The following HAAO variants were observed in gnomAD, a reference collection of about 807,000 sequenced individuals.
HAAO encodes 3-hydroxyanthranilate oxygenase.
In HAAO, 49 loss-of-function variants were observed where a neutral mutation model predicts 46.2. The observed-to-expected ratio is 1.06, with a 90% CI of 0.84 to 1.34. HAAO has a LOEUF of 1.34. Ranked by LOEUF, HAAO falls within the 40% of genes most tolerant of loss-of-function variation. The pLI, the probability that HAAO is intolerant of heterozygous loss-of-function variation, is 0.00. For synonymous variants in HAAO, 157 were observed against 145.2 expected, an observed-to-expected ratio of 1.08 and a Z score of -0.58; for missense variants, 408 against 364.5, an observed-to-expected ratio of 1.12 and a Z score of -0.97.
chr2:42,771,854 C>G (rs1254491438), intron 4 of HAAO, among the ~76,000 whole-genome samples: 1 of 152,276 alleles, frequency 6.6e-6, no homozygotes, highest in Non-Finnish European at 1.5e-5. Flanking sequence ...CATCCACCCA[C>G]TTGGCAGCCT....
chr2:42,769,644 A>C, intron 7 of HAAO, 69 bp downstream of exon 7: 1 of 1,348,398 alleles, frequency 7.4e-7, no homozygotes, highest in Non-Finnish European at 1.0e-6. Context: ...AGGCAGTGAG[A>C]GAGAGACTGG....
chr2:42,772,972 G>C (rs1325469401), intron 4 of HAAO, among the ~76,000 whole-genome samples: 2 of 148,908 alleles, frequency 1.3e-5, no homozygotes, highest in African/African-American at 4.9e-5. Flanking sequence ...AAACACTGTT[G>C]AGCTTTTGGA....
intron 4 of HAAO, among the ~76,000 whole-genome samples, chr2:42,776,776 C>T (rs543304637): frequency 1.3e-5 from 2 of 151,276 alleles, no homozygotes; most frequent in African/African-American, 2.4e-5. Context: ...GGATTGCAGG[C>T]GCCTGCCACC....
At chr2:42,783,031 C>G in intron 4 of HAAO, 2 of 514,818 alleles carry the variant, frequency 3.9e-6, no homozygotes, top group South Asian at 2.1e-5. Flanking sequence ...TTTCAAGGTT[C>G]ACAACCTCAC....
chr2:42,790,633 G>A (rs148270325), intron 1 of HAAO, among the ~76,000 whole-genome samples: 4 of 151,736 alleles, frequency 2.6e-5, no homozygotes, highest in African/African-American at 9.7e-5. Flanking sequence ...CCGGGTTCAA[G>A]CAATTCTCCT....
chr2:42,774,928 T>G (rs1256818047), intron 4 of HAAO, among the ~76,000 whole-genome samples: 2 of 145,768 alleles, frequency 1.4e-5, no homozygotes, highest in African/African-American at 5.3e-5. Context: ...GTGGCTAAAT[T>G]TCCCGTCCCT....
chr2:42,769,594 TGTGTGTGTGTG>T, intron 7 of HAAO, 108 bp downstream of exon 7: 1 of 673,902 alleles, frequency 1.5e-6, no homozygotes, highest in Non-Finnish European at 2.4e-6. Flanking sequence ...TGTGTGTGTG[TGTGTGTGTGTG>T]AGTGTGTGTG....
chr2:42,775,246 G>GAAAAAAAAAAAAAAAA (rs34025268), intron 4 of HAAO, among the ~76,000 whole-genome samples: 1 of 69,178 alleles, frequency 1.4e-5, no homozygotes, highest in Non-Finnish European at 2.6e-5. Context: ...GACTGTCATG[G>GAAAAAAAAAAAAAAAA]AAAAAAAAAA....
intron 1 of HAAO, among the ~76,000 whole-genome samples, chr2:42,792,211 TCTC>T (rs1672857035): frequency 2.6e-5 from 4 of 152,006 alleles, no homozygotes; most frequent in Admixed American, 2.6e-4. Context: ...TGTCATGTCA[TCTC>T]CTACAGCCTG....
chr2:42,787,722 A>C (rs1338232389), intron 2 of HAAO, among the ~76,000 whole-genome samples: 1 of 151,998 alleles, frequency 6.6e-6, no homozygotes, highest in Non-Finnish European at 1.5e-5. Context: ...ATCAAGCTGG[A>C]CTCTGGATCC....
rs1363729557 is a variant in HAAO, at chr2:42,767,470, G to C, written c.828C>G (p.Thr276=). The C allele has an allele frequency of 1.9e-6, 3 of 1,613,158 alleles. No homozygotes were observed. Among genetic ancestry groups the C allele is most frequent in the Non-Finnish European group, 2.5e-6 (3 of 1,179,694 alleles). ...RTQGSVALSV[T]QDPACKKPLG ...GGGGCTTCTTGCAGGCAGGGTCCTG[G>C]GTCACAGACAGGGCCACAGAGCCTT... Residue 276 remains threonine, a synonymous_variant, in exon 10 of 10, where the codon ACC becomes ACG. Transcript: ENST00000294973.
At chr2:42,778,388 G>T (rs1671747670) in intron 4 of HAAO, among the ~76,000 whole-genome samples, 1 of 152,024 alleles carries the variant, frequency 6.6e-6, no homozygotes, top group South Asian at 2.1e-4. Flanking sequence ...GAGCACAGTG[G>T]CATGATCTTG....
chr2:42,768,467 G>C (rs537697436), intron 7 of HAAO, among the ~76,000 whole-genome samples: 2 of 152,316 alleles, frequency 1.3e-5, no homozygotes, highest in East Asian at 3.9e-4. Context: ...GAGGTGGGGT[G>C]CAGGGCTGAG....
intron 7 of HAAO, among the ~76,000 whole-genome samples, chr2:42,768,455 C>G (rs1471602757): frequency 2.0e-5 from 3 of 152,152 alleles, no homozygotes; most frequent in East Asian, 1.9e-4. Flanking sequence ...CAGGGTATTG[C>G]AGAGGTGGGG....
intron 4 of HAAO, among the ~76,000 whole-genome samples, chr2:42,781,298 T>C (rs1671978036): frequency 6.6e-6 from 1 of 152,198 alleles, no homozygotes; most frequent in South Asian, 2.1e-4. Flanking sequence ...TGGAATGGTG[T>C]GCTTTCCTTT....
At chr2:42,770,021 C>T (rs1558659256) in intron 6 of HAAO, 122 bp downstream of exon 6, 5 of 1,123,692 alleles carry the variant, frequency 4.4e-6, no homozygotes, top group Non-Finnish European at 6.5e-6. Context: ...CTGCCATCTT[C>T]TTAGTACCTT....
intron 7 of HAAO, among the ~76,000 whole-genome samples, chr2:42,769,035 A>G (rs1443221370): frequency 6.6e-6 from 1 of 152,178 alleles, no homozygotes. Context: ...TGCAATGTGC[A>G]TGTCACCTCC....
rs575179578 is a variant in HAAO at position 42,767,356 on chromosome 2, G to A, written c.*81C>T. On this transcript the variant is annotated 3_prime_UTR_variant, in exon 10 of 10. Transcript: ENST00000294973. ...GCGGCAGTACACAGAGAGGTAGTGG[G>A]GGCTGGGAGAGTTGTTTGGCAGGGA... 36 of 923,312 alleles carry A rather than the reference G, an allele frequency of 3.9e-5. No homozygotes were observed. The highest frequency in any genetic ancestry group is 2.1e-4 in the Admixed American group (11 of 52,246). The allele number at this position is 923,312 out of a possible 1,614,324, so 57.2% of individuals were successfully genotyped here. A position where few individuals can be genotyped will look rare whatever the true frequency, so the allele number is the denominator to read the frequency against.
rs1011419369 is a variant in HAAO at position 42,779,364 on chromosome 2, G to A, written c.350+3950C>T. Reference sequence around the variant, plus strand: ...TTTGAGACAGAGTCTCACTGTTGCCGAGTCTGGAGTGCAGTGGTGCGATCT... The same window carrying A: ...TTTGAGACAGAGTCTCACTGTTGCCAAGTCTGGAGTGCAGTGGTGCGATCT... On this transcript the variant is annotated intron_variant, in intron 4 of 9. Coordinates refer to ENST00000294973, the MANE Select transcript of HAAO (RefSeq NM_012205.3). Among the ~76,000 whole-genome samples the A allele has an allele frequency of 4.6e-5, 7 of 150,874 alleles. No individual in the cohort carries two copies. In the South Asian group the frequency reaches 6.3e-4, roughly 14 times the overall value.
Sources: allele counts gnomAD v4.1 joint callset (sites outside exome capture counted in the v4.1 genomes callset), GRCh38; gene constraint gnomAD v4.1.1; transcripts MANE v1.5; gene names NCBI Gene and HGNC (gene_info 2026-07-23, HGNC 2026-07-21).